KIF27: variants seen among roughly 807,000 people sequenced by gnomAD.
KIF27 encodes kinesin-like protein KIF27.
A neutral mutation model predicts 141.8 loss-of-function variants in KIF27; 84 were observed. That is an observed-to-expected ratio of 0.59 (90% confidence interval 0.50 to 0.71). KIF27 has a LOEUF of 0.71. KIF27 is among the 30% of genes least tolerant of loss of function. KIF27 has a pLI of 0.00. For synonymous variants in KIF27, 471 were observed against 569.5 expected, an observed-to-expected ratio of 0.83 and a Z score of 2.46; for missense variants, 1,306 against 1,628.4, an observed-to-expected ratio of 0.80 and a Z score of 3.41.
intron 16 of KIF27, chr9:83,848,045 A>ATAT (rs1446337871): frequency 1.1e-5 from 1 of 95,194 alleles, no homozygotes; most frequent in Non-Finnish European, 2.1e-5. Flanking sequence ...ATATATATCT[A>ATAT]CATATATCTA....
chr9:83,870,521 G>A lies in KIF27; in HGVS notation c.2755C>T (p.Gln919Ter), dbSNP rs1476815611. The change falls in exon 12 of 18, where the codon CAG becomes TAG. Residue 919 changes from glutamine (Q) to a stop codon, truncating the protein, a stop_gained and splice_region_variant. Transcript: ENST00000297814. LOFTEE classifies it high-confidence loss of function. ...KGSFGSIDHL[Q>*]KLDEQKKWLD... The stretch of plus-strand genomic sequence containing the variant: ...AACACTAAATAGAATTGACAAACCT[G>A]GAGATGGTCTATACTTCCAAACGAA... The A allele has an allele frequency of 6.2e-7, 1 of 1,613,602 alleles. No homozygotes were observed. Among genetic ancestry groups the A allele is most frequent in the East Asian group, 2.2e-5 (1 of 44,874 alleles).
At chr9:83,886,724 C>A (rs1363234289) in intron 9 of KIF27, among the ~76,000 whole-genome samples, 3 of 152,028 alleles carry the variant, frequency 2.0e-5, no homozygotes, top group Admixed American at 6.5e-5. Flanking sequence ...CCACTGCACT[C>A]CAGCCTAGGT....
chr9:83,883,571 C>T (rs1461605052), intron 10 of KIF27, among the ~76,000 whole-genome samples: 1 of 152,040 alleles, frequency 6.6e-6, no homozygotes, highest in South Asian at 2.1e-4. Context: ...TTCGTGGTTA[C>T]GTTTATTTCT....
intron 8 of KIF27, 52 bp downstream of exon 8, chr9:83,888,437 G>A: frequency 1.3e-6 from 1 of 772,330 alleles, no homozygotes; most frequent in Non-Finnish European, 2.0e-6. Flanking sequence ...TGAGGAAAAA[G>A]ATAAGTGTCC....
At chr9:83,840,127 A>G (rs1387925008) in intron 17 of KIF27, among the ~76,000 whole-genome samples, 10 of 152,348 alleles carry the variant, frequency 6.6e-5, no homozygotes, top group Middle Eastern at 3.4e-3. Flanking sequence ...ATTATGAGAC[A>G]GGATATAGTG....
chr9:83,879,134 C>T (rs1309404700), intron 11 of KIF27, among the ~76,000 whole-genome samples: 1 of 149,610 alleles, frequency 6.7e-6, no homozygotes, highest in Non-Finnish European at 1.5e-5. Flanking sequence ...GCCGAGATCA[C>T]ACCATTGCAC....
At position 83,836,984 on chromosome 9, in the gene KIF27, G is replaced by A; in HGVS notation, c.*17C>T. The A allele has an allele frequency of 6.2e-7, 1 of 1,606,574 alleles. No homozygotes were observed. The highest frequency in any genetic ancestry group is 8.5e-7 in the Non-Finnish European group (1 of 1,177,958). On this transcript the variant is annotated 3_prime_UTR_variant, in exon 18 of 18. Transcript: ENST00000297814. ...GAATCTTTTTACATATCTACTAAAA[G>A]TTCTATTATTCAATGTCTAAGTTTT...
intron 15 of KIF27, 32 bp from the exon 16 acceptor site, chr9:83,850,329 T>G: frequency 7.5e-7 from 1 of 1,337,562 alleles, no homozygotes; most frequent in Non-Finnish European, 1.1e-6. Flanking sequence ...CTGTTAAGTG[T>G]GTCTTAGATA....
chr9:83,879,703 TTTTGAGAAA>T (rs1951519786), intron 11 of KIF27, among the ~76,000 whole-genome samples: 1 of 152,032 alleles, frequency 6.6e-6, no homozygotes, highest in African/African-American at 2.4e-5. Context: ...AGGGTAAAAT[TTTTGAGAAA>T]TTTGAGAAAA....
intron 1 of KIF27, among the ~76,000 whole-genome samples, chr9:83,920,020 C>T (rs768623602): frequency 2.0e-5 from 3 of 151,964 alleles, no homozygotes; most frequent in Non-Finnish European, 4.4e-5. Flanking sequence ...TCGCTTCAGC[C>T]CACGAGTTCC....
At chr9:83,921,270 G>A (rs1564032106) in intron 1 of KIF27, 101 bp downstream of exon 1, 1 of 152,296 alleles carries the variant, frequency 6.6e-6, no homozygotes, top group Non-Finnish European at 1.5e-5. Flanking sequence ...CGGCCGGCTG[G>A]GGGCGCGGGA....
intron 11 of KIF27, among the ~76,000 whole-genome samples, chr9:83,877,701 T>C (rs1480635217): frequency 6.6e-6 from 1 of 152,088 alleles, no homozygotes; most frequent in Non-Finnish European, 1.5e-5. Flanking sequence ...TCAAAGGATA[T>C]TATCAAAGTA....
intron 17 of KIF27, among the ~76,000 whole-genome samples, chr9:83,839,023 G>A (rs182540788): frequency 9.9e-5 from 15 of 152,210 alleles, no homozygotes; most frequent in Admixed American, 4.6e-4. Context: ...AGCTGGGTGC[G>A]GTGGTTTATG....
chr9:83,868,805 T>G (rs1950556037), intron 12 of KIF27, among the ~76,000 whole-genome samples: 1 of 152,160 alleles, frequency 6.6e-6, no homozygotes, highest in Non-Finnish European at 1.5e-5. Context: ...ACAAAGAAGA[T>G]GCATAGCTAT....
rs151114848 is a variant in KIF27, at chr9:83,852,968, T to C, written c.3357+661A>G. On this transcript the variant is annotated intron_variant, in intron 15 of 17. Coordinates refer to ENST00000297814, the MANE Select transcript of KIF27 (RefSeq NM_017576.4). ...ATTAATTGTCTGATATTCCCATAAA[T>C]TGAATGTACTTTTCAGAGAAGACTT... Among the ~76,000 whole-genome samples, 62 of 152,328 alleles carry C rather than the reference T, an allele frequency of 4.1e-4. 1 individual carries two copies. Among genetic ancestry groups the C allele is most frequent in the Admixed American group, 7.2e-4 (11 of 15,294 alleles).
intron 14 of KIF27, among the ~76,000 whole-genome samples, chr9:83,854,337 T>C (rs1248930717): frequency 1.3e-5 from 2 of 152,132 alleles, no homozygotes; most frequent in East Asian, 3.8e-4. Flanking sequence ...CTAGAGGGAA[T>C]AACTTATTCT....
rs543945896 is a variant in KIF27 at position 83,879,603 on chromosome 9, G to A, written c.2643+694C>T. On this transcript the variant is annotated intron_variant, in intron 11 of 17. Coordinates refer to ENST00000297814, the MANE Select transcript of KIF27 (RefSeq NM_017576.4). The stretch of plus-strand genomic sequence containing the variant: ...GGCACATAGTACTAGATAAGTGTCT[G>A]TTATTATGATCATCATCATCTTTTT... 5.1e-4 allele frequency among the ~76,000 whole-genome samples: 78 copies of A among 152,246 alleles called. 1 individual carries two copies. In the South Asian group the frequency reaches 0.016, roughly 30 times the overall value.
At chr9:83,844,583 T>C (rs1055784534) in intron 16 of KIF27, among the ~76,000 whole-genome samples, 1 of 152,120 alleles carries the variant, frequency 6.6e-6, no homozygotes, top group African/African-American at 2.4e-5. Flanking sequence ...ACATGAACTG[T>C]TTACAGAATT....
intron 16 of KIF27, chr9:83,847,841 T>G (rs1189921120): frequency 1.3e-5 from 2 of 152,232 alleles, no homozygotes; most frequent in South Asian, 4.1e-4. Context: ...TTCTTTAGTT[T>G]TGAGACTCGG....
Sources: gnomAD v4.1 joint callset for allele counts (sites outside exome capture counted in the v4.1 genomes callset) on GRCh38, gnomAD v4.1.1 for gene constraint, MANE v1.5 for transcripts, NCBI Gene and HGNC (gene_info 2026-07-23, HGNC 2026-07-21) for gene names.